The following NRAP variants were observed in gnomAD, a reference collection of about 807,000 sequenced individuals.
NRAP encodes nebulin-related-anchoring protein.
Under a neutral mutation model 225.9 loss-of-function variants are expected in NRAP, and 189 were observed. The ratio of observed to expected loss-of-function variants is 0.84; its 90% CI spans 0.74 to 0.94. The LOEUF (loss-of-function observed/expected upper bound fraction) is 0.94, where lower values mean the gene tolerates loss of function less well. Ranked by LOEUF, NRAP falls within the 40% of genes least tolerant of loss-of-function variation. The pLI is 0.00. For synonymous variants in NRAP, 769 were observed against 790.7 expected (o/e 0.97, Z 0.46); for missense variants, 2,176 against 2,168.7 (o/e 1.00, Z -0.07).
In NRAP at chr10:113,650,455, T is replaced by G. The variant is rs1849877344; in HGVS notation, c.766A>C (p.Asn256His). Residue 256 changes from asparagine (N) to histidine (H), a missense_variant, in exon 8 of 42, where the codon AAT (asparagine) becomes CAT (histidine). Transcript: ENST00000359988. Reference protein sequence around the residue: ...TPAYQIAKRANELASDVRYHQ... With the variant: ...TPAYQIAKRAHELASDVRYHQ... Reference sequence around the variant, plus strand: ...ACACTTACATCACTTGCCAGCTCATTGGCTCTTTTGGCTATCTGATAGGCG... The same window carrying G: ...ACACTTACATCACTTGCCAGCTCATGGGCTCTTTTGGCTATCTGATAGGCG... 6.2e-7 allele frequency: 1 copy of G among 1,612,984 alleles called. No homozygotes were observed. Among genetic ancestry groups the G allele is most frequent in the Non-Finnish European group, 8.5e-7 (1 of 1,178,952 alleles).
At chr10:113,600,003 T>C (rs1846502406) in intron 35 of NRAP, among the ~76,000 whole-genome samples, 1 of 152,218 alleles carries the variant, frequency 6.6e-6, no homozygotes, top group Non-Finnish European at 1.5e-5. Context: ...AGGAATGATG[T>C]AAACCATTGT....
intron 25 of NRAP, among the ~76,000 whole-genome samples, 160 bp from the exon 26 acceptor site, chr10:113,617,713 T>G (rs969375004): frequency 2.6e-5 from 4 of 152,196 alleles, no homozygotes; most frequent in Non-Finnish European, 5.9e-5. Flanking sequence ...CAGGTTAATA[T>G]TTGTTTCAAT....
chr10:113,625,093 G>GAGA (rs1848212470), intron 21 of NRAP, among the ~76,000 whole-genome samples, 163 bp from the exon 22 acceptor site: 1 of 152,180 alleles, frequency 6.6e-6, no homozygotes, highest in Non-Finnish European at 1.5e-5. Flanking sequence ...TACAGTCAAG[G>GAGA]AGATGATGAG....
At chr10:113,629,071 G>C in intron 19 of NRAP, 50 bp from the exon 20 acceptor site, 1 of 1,286,112 alleles carries the variant, frequency 7.8e-7, no homozygotes, top group Non-Finnish European at 1.1e-6. Context: ...GATAGAGACA[G>C]GACAAAGTTG....
At chr10:113,609,340 T>G (rs769339188) in intron 31 of NRAP, among the ~76,000 whole-genome samples, 5 of 152,116 alleles carry the variant, frequency 3.3e-5, no homozygotes, top group Non-Finnish European at 7.4e-5. Context: ...CTTTAGAGAT[T>G]TCTCTGGAAA....
At position 113,623,563 on chromosome 10, in the gene NRAP, A is replaced by G; in HGVS notation, c.2423T>C (p.Leu808Pro). 5 of 1,613,876 alleles carry G rather than the reference A, an allele frequency of 3.1e-6. No individual in the cohort carries two copies. The highest frequency in any genetic ancestry group is 4.2e-6 in the Non-Finnish European group (5 of 1,179,798). Residue 808 changes from leucine to proline, a missense_variant, in exon 23 of 42, where the codon CTG (leucine) becomes CCG (proline). Physicochemically the swap from Leu to Pro is moderately conservative, Grantham distance 98 (BLOSUM62 -3). Transcript: ENST00000359988. ...FELRLDSLTF[L>P]AAKAKRDLAS... is the part of the protein sequence containing the mutation. The stretch of plus-strand genomic sequence containing the variant: ...CAGGTCCCTCTTGGCTTTGGCTGCC[A>G]GGAAGGTCAAGGAATCAAGACGCAG...
Position 113,651,853 on chromosome 10 carries a change from C to T in NRAP, c.625G>A (p.Asp209Asn). Reference protein sequence around the residue: ...ERISRFSTVVDTPELLRSKAG... With the variant: ...ERISRFSTVVNTPELLRSKAG... Reference sequence around the variant, plus strand: ...TTGCTCCGTAGCAGCTCAGGAGTATCCACCACCGTGGAGAACCTGGAGATG... The same window carrying T: ...TTGCTCCGTAGCAGCTCAGGAGTATTCACCACCGTGGAGAACCTGGAGATG... The change falls in exon 7 of 42, where the codon GAT becomes AAT. Residue 209 changes from aspartate to asparagine, a missense_variant. Asp to Asn is a conservative substitution (Grantham distance 23, BLOSUM62 1). Around this residue, in one of 3 missense-constraint regions of NRAP, gnomAD observed 1,708 missense variants for 1,695.5 expected, o/e 1.01. Transcript: ENST00000359988. 6.2e-7 allele frequency: 1 copy of T among 1,613,560 alleles called. No individual in the cohort carries two copies. Among genetic ancestry groups the T allele is most frequent in the East Asian group, 2.2e-5 (1 of 44,872 alleles).
intron 32 of NRAP, among the ~76,000 whole-genome samples, 194 bp from the exon 33 acceptor site, chr10:113,606,476 T>C (rs1846975385): frequency 6.6e-6 from 1 of 152,168 alleles, no homozygotes; most frequent in South Asian, 2.1e-4. Context: ...AATCGAGTGA[T>C]GTAAAAGGAA....
At chr10:113,652,438 A>G (rs3127112) in intron 6 of NRAP, among the ~76,000 whole-genome samples, 134,623 of 151,976 alleles carry the variant, frequency 0.89, 59,661 homozygotes, top group East Asian at 0.91. Context: ...TCAAGAGATT[A>G]AGACCATCCT....
At chr10:113,623,752 C>T in intron 22 of NRAP, 116 bp from the exon 23 acceptor site, 1 of 681,640 alleles carries the variant, frequency 1.5e-6, no homozygotes, top group Non-Finnish European at 2.6e-6. Flanking sequence ...TTATTACGTC[C>T]TTCTCTGAGA....
chr10:113,615,607 C>T (rs1368009111), intron 27 of NRAP, 105 bp downstream of exon 27: 1 of 728,730 alleles, frequency 1.4e-6, no homozygotes, highest in Non-Finnish European at 2.5e-6. Flanking sequence ...GATGGCAGAA[C>T]ATGAAACCAG....
chr10:113,641,292 TA>T, intron 13 of NRAP, 72 bp downstream of exon 13: 1 of 890,046 alleles, frequency 1.1e-6, no homozygotes, highest in Non-Finnish European at 1.8e-6. Context: ...AAGGGGAATT[TA>T]AAAAGAATTG....
Position 113,605,968 on chromosome 10 carries a change from T to C in NRAP, c.3808-99A>G, listed in dbSNP as rs141262894. On this transcript the variant is annotated intron_variant, in intron 33 of 41. Coordinates refer to ENST00000359988, the MANE Select transcript of NRAP (RefSeq NM_198060.4). The stretch of plus-strand genomic sequence containing the variant: ...TATAGCACAGTGTTCCAGAATCAAT[T>C]TCTGTTTTGTGCAGCAAATCTCATT... The C allele has an allele frequency of 1.4e-3, 1,298 of 954,030 alleles. 24 individuals carry two copies. The East Asian group carries it at 0.026, about 19-fold the overall frequency. 59.1% of individuals were successfully genotyped at this position (954,030 alleles called of 1,614,324 possible).
chr10:113,619,093 T>C (rs1420560434), intron 25 of NRAP, among the ~76,000 whole-genome samples: 1 of 152,110 alleles, frequency 6.6e-6, no homozygotes, highest in Non-Finnish European at 1.5e-5. Context: ...GACAAGCCCA[T>C]CAAAGAGGAT....
chr10:113,603,438 G>C (rs576105667), intron 35 of NRAP, among the ~76,000 whole-genome samples: 2 of 152,070 alleles, frequency 1.3e-5, no homozygotes, highest in African/African-American at 4.8e-5. Flanking sequence ...CCCCCCAAGA[G>C]AGCAGGATGG....
In NRAP at chr10:113,641,199, C is replaced by T. The variant is rs1539592; in HGVS notation, c.1323+166G>A. Reference sequence around the variant, plus strand: ...GAAAATTTTCAGGGATCTTACCTAGCCTTGGTTGTATCCGCTAACATTTAG... The same window carrying T: ...GAAAATTTTCAGGGATCTTACCTAGTCTTGGTTGTATCCGCTAACATTTAG... On this transcript the variant is annotated intron_variant, in intron 13 of 41. Transcript: ENST00000359988. Among the ~76,000 whole-genome samples the T allele has an allele frequency of 0.55, 84,265 of 152,008 alleles. 24,591 individuals are homozygous for T. The highest frequency in any genetic ancestry group is 0.73 in the East Asian group (3,771 of 5,186).
At chr10:113,640,000 G>C (rs1413657025) in intron 14 of NRAP, among the ~76,000 whole-genome samples, 1 of 152,204 alleles carries the variant, frequency 6.6e-6, no homozygotes, top group Non-Finnish European at 1.5e-5. Context: ...TTATTTTCAA[G>C]ACAAAACTAG....
chr10:113,652,036 G>A (rs767511770), intron 6 of NRAP, 129 bp from the exon 7 acceptor site: 29 of 690,274 alleles, frequency 4.2e-5, no homozygotes, highest in Non-Finnish European at 6.5e-5. Context: ...GTCTTCTGTG[G>A]CTTGTTTCAT....
At chr10:113,596,254 C>CA (rs1846281307) in intron 37 of NRAP, among the ~76,000 whole-genome samples, 1 of 152,140 alleles carries the variant, frequency 6.6e-6, no homozygotes. Context: ...TTTTAAAACT[C>CA]AAAGATTTAT....
Sources: allele counts gnomAD v4.1 joint callset (sites outside exome capture counted in the v4.1 genomes callset), GRCh38; gene constraint gnomAD v4.1.1; regional missense constraint gnomAD v4.1.1; transcripts MANE v1.5; gene names NCBI Gene and HGNC (gene_info 2026-07-23, HGNC 2026-07-21).